The following SPATA1 variants were observed in gnomAD, a reference collection of about 807,000 sequenced individuals.
SPATA1 encodes spermatogenesis associated 1, also known as spermatogenesis-associated protein 1.
A neutral mutation model predicts 59.6 loss-of-function variants in SPATA1; 57 were observed. That is an observed-to-expected ratio of 0.96 (90% CI 0.77 to 1.19). The LOEUF (loss-of-function observed/expected upper bound fraction) is 1.19, where lower values mean the gene tolerates loss of function less well. SPATA1 is among the 50% of genes most tolerant of loss of function. The pLI, the probability that SPATA1 is intolerant of heterozygous loss-of-function variation, is 0.00. For synonymous variants in SPATA1, 147 were observed against 163.9 expected (o/e 0.90, Z 0.79); for missense variants, 448 against 480.7 (o/e 0.93, Z 0.64).
At position 84,521,243 on chromosome 1, in the gene SPATA1, A is replaced by G. The variant is rs1026622709; in HGVS notation, c.143+552A>G. On this transcript the variant is annotated intron_variant, in intron 3 of 12. Coordinates refer to ENST00000490879, the Ensembl canonical transcript of SPATA1. ...TGATCTGAGAATAGCAGTTAAAGCAATATATCTACAACGCCTCTTTCTCTG... is the reference window on the plus strand; with the variant it reads ...TGATCTGAGAATAGCAGTTAAAGCAGTATATCTACAACGCCTCTTTCTCTG... Among the ~76,000 whole-genome samples, 4 of 152,300 alleles carry G rather than the reference A, an allele frequency of 2.6e-5. No homozygotes were observed. The East Asian group carries it at 7.7e-4, about 29-fold the overall frequency.
chr1:84,516,379 G>A (rs764741327), exon 2 of SPATA1: 8 of 1,510,230 alleles, frequency 5.3e-6, no homozygotes, highest in South Asian at 1.3e-5. Flanking sequence ...AATCCAAGTC[G>A]ACCTTCCTCA....
At chr1:84,534,680 T>C (rs1683602002) in intron 8 of SPATA1, among the ~76,000 whole-genome samples, 1 of 152,148 alleles carries the variant, frequency 6.6e-6, no homozygotes, top group African/African-American at 2.4e-5. Context: ...CCAATCACTA[T>C]TCTAAATGCT....
intron 2 of SPATA1, chr1:84,520,076 C>G (rs1440541728): frequency 6.6e-6 from 1 of 152,240 alleles, no homozygotes; most frequent in Non-Finnish European, 1.5e-5. Flanking sequence ...TCTCATTGGT[C>G]AGGAATAGGT....
At chr1:84,566,473 T>G (rs1211772286), downstream of SPATA1, among the ~76,000 whole-genome samples, 2 of 152,240 alleles carry the variant, frequency 1.3e-5, no homozygotes, top group Non-Finnish European at 2.9e-5. Context: ...AGTTTCAGCC[T>G]GATTCACAAT....
exon 11 of SPATA1, chr1:84,548,945 C>A: frequency 6.3e-7 from 1 of 1,585,362 alleles, no homozygotes; most frequent in Non-Finnish European, 8.6e-7. Flanking sequence ...AAGAATCTGG[C>A]AAACATCACA....
intron 4 of SPATA1, chr1:84,563,999 A>G (rs779643805): frequency 7.2e-6 from 3 of 417,628 alleles, no homozygotes; most frequent in Non-Finnish European, 9.6e-6. Flanking sequence ...CATAAATTCT[A>G]TATCTTGCTT....
rs1683520088 is a variant in SPATA1, at chr1:84,532,694, A to C, written c.545-166A>C. 6.6e-5 allele frequency among the ~76,000 whole-genome samples: 10 copies of C among 152,308 alleles called. No homozygotes were observed. In the South Asian group the frequency reaches 2.1e-3, roughly 32 times the overall value. ...TTCTTTTCACATAAACAAATATTTC[A>C]TGAAATTCACTTTGGAAACTATTGA... On this transcript the variant is annotated intron_variant, in intron 6 of 12. Coordinates refer to ENST00000490879, the Ensembl canonical transcript of SPATA1.
intron 2 of SPATA1, among the ~76,000 whole-genome samples, chr1:84,519,117 C>CA (rs1292750560): frequency 2.6e-5 from 4 of 150,966 alleles, no homozygotes; most frequent in South Asian, 2.1e-4. Flanking sequence ...AAAATTAATG[C>CA]AAAAAAAATC....
chr1:84,532,043 T>G (rs1370087391), intron 6 of SPATA1, among the ~76,000 whole-genome samples: 1 of 152,230 alleles, frequency 6.6e-6, no homozygotes, highest in African/African-American at 2.4e-5. Flanking sequence ...TGTTTAGTTT[T>G]CCTATATTGA....
At chr1:84,531,457 C>T (rs113125621) in intron 6 of SPATA1, among the ~76,000 whole-genome samples, 1 of 152,044 alleles carries the variant, frequency 6.6e-6, no homozygotes, top group Non-Finnish European at 1.5e-5. Context: ...GCCGCCATAC[C>T]CAGCCTCTGT....
downstream of SPATA1, among the ~76,000 whole-genome samples, chr1:84,557,472 G>A (rs1285202599): frequency 4.1e-5 from 6 of 145,928 alleles, no homozygotes; most frequent in African/African-American, 7.6e-5. Context: ...GGCGGAGGGC[G>A]CAGTCAGCCG....
intron 10 of SPATA1, among the ~76,000 whole-genome samples, chr1:84,546,850 G>A (rs1457717451): frequency 6.6e-6 from 1 of 152,122 alleles, no homozygotes; most frequent in Admixed American, 6.6e-5. Context: ...GGGAAGTTAA[G>A]TAAGTTTTCT....
At chr1:84,525,432 C>T (rs1265078118) in intron 4 of SPATA1, among the ~76,000 whole-genome samples, 1 of 152,130 alleles carries the variant, frequency 6.6e-6, no homozygotes, top group Non-Finnish European at 1.5e-5. Flanking sequence ...AAGTGTAAAG[C>T]ACTTAAAATA....
chr1:84,558,539 C>T (rs1217338023), downstream of SPATA1, among the ~76,000 whole-genome samples: 2 of 151,180 alleles, frequency 1.3e-5, no homozygotes, highest in Non-Finnish European at 2.9e-5. Flanking sequence ...GATCCGCCCG[C>T]CTCAGCCTCC....
intron 4 of SPATA1, among the ~76,000 whole-genome samples, chr1:84,523,400 T>G (rs1257256383): frequency 6.6e-6 from 1 of 152,228 alleles, no homozygotes; most frequent in African/African-American, 2.4e-5. Context: ...CTCTTTAAAA[T>G]GCAGCATATT....
chr1:84,529,235 G>C (rs1683359106), intron 6 of SPATA1, among the ~76,000 whole-genome samples: 1 of 151,784 alleles, frequency 6.6e-6, no homozygotes, highest in African/African-American at 2.4e-5. Flanking sequence ...CGATAGTTTT[G>C]GTTTGAACTT....
At chr1:84,539,090 T>C (rs1298136377) in intron 8 of SPATA1, among the ~76,000 whole-genome samples, 1 of 152,180 alleles carries the variant, frequency 6.6e-6, no homozygotes, top group Admixed American at 6.5e-5. Flanking sequence ...CATGAGCCAC[T>C]GCACCCAGCT....
chr1:84,547,273 C>T (rs958575396), intron 10 of SPATA1, among the ~76,000 whole-genome samples: 8 of 152,178 alleles, frequency 5.3e-5, no homozygotes, highest in Non-Finnish European at 1.2e-4. Flanking sequence ...GTTACTTCCC[C>T]TCTTTGTGCC....
At chr1:84,511,655 CTTTTTTTTTTTTTTTCTTTCTTTCT>C (rs1209414925) in intron 1 of SPATA1, among the ~76,000 whole-genome samples, 2 of 81,134 alleles carry the variant, frequency 2.5e-5, no homozygotes, top group East Asian at 3.0e-4. Context: ...GCATTTCAGG[CTTTTTTTTTTTTTTTCTTTCTTTCT>C]TTTTTTTTTT....
Sources: gnomAD v4.1 joint callset for allele counts (sites outside exome capture counted in the v4.1 genomes callset) on GRCh38, gnomAD v4.1.1 for gene constraint, MANE v1.5 for transcripts, NCBI Gene and HGNC (gene_info 2026-07-23, HGNC 2026-07-21) for gene names.